The following PRKCH variants were observed in gnomAD, a reference collection of about 807,000 sequenced individuals.
The protein encoded by PRKCH is protein kinase C eta type.
In PRKCH, 28 loss-of-function variants were observed where a neutral mutation model predicts 82.5. That is an observed-to-expected ratio of 0.34 (90% CI 0.25 to 0.47). PRKCH has a LOEUF of 0.47. PRKCH is among the 20% of genes least tolerant of loss of function. The pLI is 1.00. For synonymous variants in PRKCH, 322 were observed against 327.4 expected, an observed-to-expected ratio of 0.98 and a Z score of 0.18; for missense variants, 705 against 881.8, an observed-to-expected ratio of 0.80 and a Z score of 2.54.
intron 12 of PRKCH, among the ~76,000 whole-genome samples, chr14:61,536,431 T>G (rs567319489): frequency 6.6e-6 from 1 of 152,210 alleles, no homozygotes; most frequent in Admixed American, 6.5e-5. Context: ...GGATCTGCCC[T>G]TTCCCCCTGA....
At chr14:61,279,910 C>T (rs1378542972) in intron 1 of PRKCH, 7 of 608,380 alleles carry the variant, frequency 1.2e-5, no homozygotes, top group South Asian at 6.2e-5. Context: ...TCCCTCCCCG[C>T]GGCAAGACAG....
intron 1 of PRKCH, among the ~76,000 whole-genome samples, chr14:61,202,263 A>C (rs1339652097): frequency 6.6e-6 from 1 of 152,154 alleles, no homozygotes; most frequent in Non-Finnish European, 1.5e-5. Flanking sequence ...GAAAACAAGG[A>C]CACTTCTGAA....
chr14:61,396,756 A>G (rs1452830303), intron 2 of PRKCH, among the ~76,000 whole-genome samples: 4 of 152,098 alleles, frequency 2.6e-5, no homozygotes, highest in Non-Finnish European at 5.9e-5. Context: ...TGGAGGTGCT[A>G]AAGGTAGGGG....
At chr14:61,238,030 G>A (rs144187114) in intron 1 of PRKCH, among the ~76,000 whole-genome samples, 6 of 152,332 alleles carry the variant, frequency 3.9e-5, no homozygotes, top group Non-Finnish European at 7.3e-5. Flanking sequence ...ACAGCAACTT[G>A]TTGCAAAGTA....
intron 2 of PRKCH, among the ~76,000 whole-genome samples, chr14:61,403,389 G>GA (rs1881767092): frequency 6.6e-6 from 1 of 152,038 alleles, no homozygotes; most frequent in Non-Finnish European, 1.5e-5. Flanking sequence ...GTTATAATCA[G>GA]AAAAAAATAT....
chr14:61,391,431 A>G, intron 2 of PRKCH, 143 bp downstream of exon 2: 1 of 705,068 alleles, frequency 1.4e-6, no homozygotes, highest in East Asian at 3.2e-5. Context: ...GCTGGCTAGT[A>G]TTTTGTTGCC....
chr14:61,220,526 C>G (rs1046554765), intron 1 of PRKCH, among the ~76,000 whole-genome samples: 3 of 152,154 alleles, frequency 2.0e-5, no homozygotes, highest in African/African-American at 7.2e-5. Context: ...CAGTGAAAAA[C>G]CAGATAAGAT....
At chr14:61,449,113 C>T in intron 4 of PRKCH, 51 bp from the exon 5 acceptor site, 1 of 1,550,114 alleles carries the variant, frequency 6.5e-7, no homozygotes, top group Non-Finnish European at 8.9e-7. Context: ...CTGTAACTGG[C>T]TGGACTGTGA....
intron 10 of PRKCH, among the ~76,000 whole-genome samples, chr14:61,526,396 G>T (rs1377960202): frequency 1.3e-5 from 2 of 152,176 alleles, no homozygotes; most frequent in East Asian, 3.9e-4. Context: ...AGAGAAGTCT[G>T]TTCTATGTTC....
chr14:61,244,042 A>C (rs1165854478), intron 1 of PRKCH, among the ~76,000 whole-genome samples: 1 of 152,152 alleles, frequency 6.6e-6, no homozygotes, highest in Non-Finnish European at 1.5e-5. Flanking sequence ...TGGCTCTCCC[A>C]TCATCAGTTT....
chr14:61,412,190 A>G (rs1882301774), intron 2 of PRKCH, among the ~76,000 whole-genome samples: 1 of 152,244 alleles, frequency 6.6e-6, no homozygotes, highest in African/African-American at 2.4e-5. Flanking sequence ...AGTACAACCC[A>G]TAATGGGAGC....
chr14:61,432,551 T>C (rs1398466923), intron 2 of PRKCH, among the ~76,000 whole-genome samples: 3 of 152,152 alleles, frequency 2.0e-5, no homozygotes, highest in Admixed American at 2.0e-4. Flanking sequence ...CCCAGGCTGG[T>C]CTTAAACTTC....
At chr14:61,468,338 T>C (rs1885351909) in intron 9 of PRKCH, among the ~76,000 whole-genome samples, 1 of 152,046 alleles carries the variant, frequency 6.6e-6, no homozygotes. Flanking sequence ...GTGTTCCATC[T>C]TTTTTTTAGG....
intron 1 of PRKCH, among the ~76,000 whole-genome samples, chr14:61,388,167 A>G (rs2140196258): frequency 6.7e-6 from 1 of 149,614 alleles, no homozygotes; most frequent in South Asian, 2.1e-4. Flanking sequence ...AAAAAAAAAA[A>G]AGAAAGAAAT....
chr14:61,307,584 G>A (rs1216965652), intron 1 of PRKCH, among the ~76,000 whole-genome samples: 1 of 152,130 alleles, frequency 6.6e-6, no homozygotes, highest in Non-Finnish European at 1.5e-5. Context: ...TCTGATTCTG[G>A]CTCCTCATCT....
intron 12 of PRKCH, among the ~76,000 whole-genome samples, chr14:61,538,287 G>A (rs1009647662): frequency 1.3e-5 from 2 of 152,188 alleles, no homozygotes; most frequent in Non-Finnish European, 2.9e-5. Flanking sequence ...TCTGAGGAAA[G>A]GAAGGTGCCC....
chr14:61,410,315 A>C (rs922899974), intron 2 of PRKCH, among the ~76,000 whole-genome samples: 6 of 152,224 alleles, frequency 3.9e-5, no homozygotes, highest in African/African-American at 1.4e-4. Context: ...AGGTAAAATT[A>C]CAATTTTGTT....
chr14:61,402,620 C>A (rs1327346793), intron 2 of PRKCH, among the ~76,000 whole-genome samples: 2 of 151,864 alleles, frequency 1.3e-5, no homozygotes, highest in Admixed American at 6.6e-5. Flanking sequence ...CATGGTGAAA[C>A]CCCGTCTCTA....
At chr14:61,239,574 C>G (rs949412975) in intron 1 of PRKCH, among the ~76,000 whole-genome samples, 1 of 152,218 alleles carries the variant, frequency 6.6e-6, no homozygotes, top group Non-Finnish European at 1.5e-5. Flanking sequence ...CTAAAGCAGG[C>G]TAATGTGCTC....
Sources: gnomAD v4.1 joint callset for allele counts (sites outside exome capture counted in the v4.1 genomes callset) on GRCh38, gnomAD v4.1.1 for gene constraint, MANE v1.5 for transcripts, NCBI Gene and HGNC (gene_info 2026-07-23, HGNC 2026-07-21) for gene names.